The following PRSS23 variants were observed in gnomAD, a reference collection of about 807,000 sequenced individuals.
PRSS23 encodes serine protease 23, also known as protease, serine 23.
A neutral mutation model predicts 34.7 loss-of-function variants in PRSS23; 25 were observed. That is an observed-to-expected ratio of 0.72 (90% CI 0.53 to 1.01). The LOEUF is 1.01. Ranked by LOEUF, PRSS23 falls within the 50% of genes least tolerant of loss-of-function variation. The probability of loss-of-function intolerance (pLI) is 0.00; values close to 1 mark genes in which losing one functional copy is unlikely to be tolerated. For synonymous variants in PRSS23, 176 were observed against 186.6 expected (o/e 0.94, Z 0.46); for missense variants, 445 against 475.6 (o/e 0.94, Z 0.60).
intron 2 of PRSS23, among the ~76,000 whole-genome samples, chr11:86,875,348 G>A (rs572183893): frequency 6.6e-5 from 10 of 152,214 alleles, no homozygotes; most frequent in African/African-American, 2.4e-4. Context: ...TCCAGCCTGG[G>A]CAACAAGAGC....
At chr11:86,855,558 T>A (rs1389477361) in intron 2 of PRSS23, among the ~76,000 whole-genome samples, 1 of 152,178 alleles carries the variant, frequency 6.6e-6, no homozygotes, top group Non-Finnish European at 1.5e-5. Flanking sequence ...TATAGAGGCA[T>A]GATCTTGGCT....
chr11:86,834,020 G>T (rs1241498685), intron 2 of PRSS23, among the ~76,000 whole-genome samples: 1 of 152,196 alleles, frequency 6.6e-6, no homozygotes, highest in South Asian at 2.1e-4. Flanking sequence ...TGCATCTGGG[G>T]CTCCATTTGA....
chr11:86,805,842 A>T (rs1339637741), intron 1 of PRSS23, among the ~76,000 whole-genome samples: 9 of 152,236 alleles, frequency 5.9e-5, no homozygotes, highest in African/African-American at 2.2e-4. Flanking sequence ...GTAGATCTGT[A>T]CTTTCAAACA....
At chr11:86,883,150 G>T (rs1948782105) in intron 2 of PRSS23, among the ~76,000 whole-genome samples, 2 of 152,116 alleles carry the variant, frequency 1.3e-5, no homozygotes, top group African/African-American at 4.8e-5. Context: ...CTATTCTGTA[G>T]ATTGTCTGTT....
At chr11:86,867,302 A>T (rs1948655767) in intron 2 of PRSS23, among the ~76,000 whole-genome samples, 1 of 152,106 alleles carries the variant, frequency 6.6e-6, no homozygotes, top group African/African-American at 2.4e-5. Context: ...CTATTCTCTC[A>T]TGCCTCTGTG....
At chr11:86,836,881 C>G (rs1333241948) in intron 2 of PRSS23, 3 of 152,310 alleles carry the variant, frequency 2.0e-5, no homozygotes, top group African/African-American at 7.2e-5. Context: ...AACCAACACC[C>G]AGAACTGTGT....
chr11:86,942,706 T>C (rs1208316889), intron 2 of PRSS23, among the ~76,000 whole-genome samples: 1 of 152,090 alleles, frequency 6.6e-6, no homozygotes. Flanking sequence ...CCTCTTAGCC[T>C]AAAGATGAAA....
At chr11:86,835,954 T>C (rs1035392784) in intron 2 of PRSS23, among the ~76,000 whole-genome samples, 2 of 152,170 alleles carry the variant, frequency 1.3e-5, no homozygotes, top group African/African-American at 2.4e-5. Context: ...ATGGGGGCTA[T>C]CCCTGAACCC....
chr11:86,838,589 A>C (rs570700997), intron 2 of PRSS23, among the ~76,000 whole-genome samples: 1 of 152,270 alleles, frequency 6.6e-6, no homozygotes, highest in South Asian at 2.1e-4. Context: ...AGACTTAAAC[A>C]TCCCTGTCTG....
chr11:86,941,418 T>G (rs1408483779), intron 2 of PRSS23, among the ~76,000 whole-genome samples: 1 of 152,256 alleles, frequency 6.6e-6, no homozygotes, highest in Non-Finnish European at 1.5e-5. Context: ...CTTATTTATC[T>G]GTGTCCCCTA....
At chr11:86,855,296 C>T (rs1565367123) in intron 2 of PRSS23, among the ~76,000 whole-genome samples, 1 of 152,122 alleles carries the variant, frequency 6.6e-6, no homozygotes, top group Non-Finnish European at 1.5e-5. Flanking sequence ...AGTTAGGAAG[C>T]TTCTTTCCAA....
At chr11:86,907,271 G>T (rs1287303668) in intron 2 of PRSS23, among the ~76,000 whole-genome samples, 1 of 152,122 alleles carries the variant, frequency 6.6e-6, no homozygotes, top group Non-Finnish European at 1.5e-5. Flanking sequence ...GTTCGCTGTA[G>T]CATCCTCATG....
chr11:86,817,510 T>G (rs1948222743), intron 1 of PRSS23, among the ~76,000 whole-genome samples: 1 of 152,222 alleles, frequency 6.6e-6, no homozygotes, highest in Non-Finnish European at 1.5e-5. Context: ...ATTGTCACCG[T>G]ATTCTAGAAG....
In PRSS23 at chr11:86,808,580, C is replaced by T. The variant is rs752817830; in HGVS notation, c.937C>T (p.Pro313Ser). ...DLLYQQCDAQ[P>S]GASGSGVYVR... The stretch of plus-strand genomic sequence containing the variant: ...GCTCTACCAGCAATGCGATGCCCAG[C>T]CAGGGGCCAGCGGGTCTGGGGTCTA... Residue 313 changes from proline to serine, a missense_variant, in exon 2 of 2, where the codon CCA becomes TCA. Coordinates refer to ENST00000280258, the MANE Select transcript of PRSS23 (RefSeq NM_007173.6). The T allele has an allele frequency of 6.2e-6, 10 of 1,614,164 alleles. No homozygotes were observed. The highest frequency in any genetic ancestry group is 7.6e-6 in the Non-Finnish European group (9 of 1,180,032).
At position 86,901,478 on chromosome 11, in the gene PRSS23, A is replaced by C. The variant is rs185487024; in HGVS notation, c.207-49738A>C. On this transcript the variant is annotated intron_variant, in intron 2 of 2. Transcript: ENST00000533902. ...CAAATTATTAAAAGTGCCTGAAACC[A>C]AATTGAATTACAGTCAAAATGGTAG... Among the ~76,000 whole-genome samples the C allele has an allele frequency of 5.2e-3, 794 of 152,290 alleles. 7 individuals are homozygous for C. The highest frequency in any genetic ancestry group is 9.0e-3 in the Non-Finnish European group (613 of 68,036).
At chr11:86,930,952 A>G (rs10751144) in intron 2 of PRSS23, among the ~76,000 whole-genome samples, 94,523 of 151,592 alleles carry the variant, frequency 0.62, 29,947 homozygotes, top group Non-Finnish European at 0.69. Flanking sequence ...AGCCAAAGCT[A>G]AAAGGAAAGT....
At chr11:86,812,370 A>G (rs1020811139), downstream of PRSS23, among the ~76,000 whole-genome samples, 1 of 152,082 alleles carries the variant, frequency 6.6e-6, no homozygotes, top group African/African-American at 2.4e-5. Flanking sequence ...AATCCTTTTG[A>G]TGGGGTGGGG....
At chr11:86,817,626 T>C (rs969262748) in intron 1 of PRSS23, among the ~76,000 whole-genome samples, 2 of 152,236 alleles carry the variant, frequency 1.3e-5, no homozygotes, top group Non-Finnish European at 2.9e-5. Context: ...TGACTTTTTA[T>C]AGCCAGTGAA....
At chr11:86,885,810 C>A (rs1055171506) in intron 2 of PRSS23, among the ~76,000 whole-genome samples, 1 of 152,172 alleles carries the variant, frequency 6.6e-6, no homozygotes, top group African/African-American at 2.4e-5. Flanking sequence ...CTCTGGAGAA[C>A]CCTGACTAAT....
Sources: allele counts gnomAD v4.1 joint callset (sites outside exome capture counted in the v4.1 genomes callset), GRCh38; gene constraint gnomAD v4.1.1; transcripts MANE v1.5; gene names NCBI Gene and HGNC (gene_info 2026-07-23, HGNC 2026-07-21).